ICOS: variants seen among roughly 807,000 people sequenced by gnomAD.
ICOS encodes inducible T-cell costimulator.
Under a neutral mutation model 24.6 loss-of-function variants are expected in ICOS, and 15 were observed. The observed-to-expected ratio is 0.61, with a 90% confidence interval of 0.41 to 0.94. The LOEUF is 0.94. ICOS is among the 40% of genes least tolerant of loss of function. The pLI is 0.00. For missense variants in ICOS, 200 were observed against 233.0 expected (o/e 0.86, Z 0.92); for synonymous variants, 89 against 77.5 (o/e 1.15, Z -0.78).
intron 1 of ICOS, among the ~76,000 whole-genome samples, chr2:203,952,824 G>A (rs751924419): frequency 6.6e-6 from 1 of 151,972 alleles, no homozygotes; most frequent in African/African-American, 2.4e-5. Flanking sequence ...GATAATTCAG[G>A]TATATAAATC....
intron 1 of ICOS, among the ~76,000 whole-genome samples, chr2:203,938,814 C>G (rs986018372): frequency 6.6e-6 from 1 of 152,088 alleles, no homozygotes; most frequent in Non-Finnish European, 1.5e-5. Flanking sequence ...TGAATACAAC[C>G]AATGTTCACT....
intron 1 of ICOS, among the ~76,000 whole-genome samples, chr2:203,952,656 A>G (rs73993051): frequency 0.021 from 3,142 of 152,184 alleles, 120 homozygotes; most frequent in African/African-American, 0.072. Flanking sequence ...AAACTTATCT[A>G]TTGAGTTTTA....
At chr2:203,952,216 GA>G (rs570336133) in intron 1 of ICOS, among the ~76,000 whole-genome samples, 4 of 152,206 alleles carry the variant, frequency 2.6e-5, no homozygotes, top group Non-Finnish European at 5.9e-5. Context: ...TGAATTTTGT[GA>G]TACTAATTCA....
chr2:203,956,699 A>G lies in ICOS; in HGVS notation c.435A>G (p.Ile145Met), dbSNP rs1365326471. ...GCCAGCTGAAGTTCTGGTTACCCATAGGATGTGCAGCCTTTGTTGTAGTCT... is the reference window on the plus strand; with the variant it reads ...GCCAGCTGAAGTTCTGGTTACCCATGGGATGTGCAGCCTTTGTTGTAGTCT... ...LCCQLKFWLP[I>M]GCAAFVVVCI... is the part of the protein sequence containing the mutation. Residue 145 changes from isoleucine to methionine, a missense_variant, in exon 3 of 5, where the codon ATA (isoleucine) becomes ATG (methionine). Ile to Met is a conservative substitution (Grantham distance 10, BLOSUM62 1). Coordinates refer to ENST00000316386, the MANE Select transcript of ICOS (RefSeq NM_012092.4). The G allele has an allele frequency of 4.3e-6, 7 of 1,613,556 alleles. No individual in the cohort carries two copies. Among genetic ancestry groups the G allele is most frequent in the Non-Finnish European group, 5.9e-6 (7 of 1,179,534 alleles).
chr2:203,944,581 T>C (rs1689837068), intron 1 of ICOS, among the ~76,000 whole-genome samples: 1 of 152,204 alleles, frequency 6.6e-6, no homozygotes, highest in African/African-American at 2.4e-5. Flanking sequence ...TTACCAAACA[T>C]GCTTAGCCTT....
At chr2:203,950,525 A>G (rs1448455722) in intron 1 of ICOS, among the ~76,000 whole-genome samples, 2 of 152,198 alleles carry the variant, frequency 1.3e-5, no homozygotes, top group African/African-American at 4.8e-5. Flanking sequence ...TCAGAGGGGG[A>G]CAAACATTCA....
intron 1 of ICOS, among the ~76,000 whole-genome samples, chr2:203,943,762 G>A (rs1340745965): frequency 6.6e-6 from 1 of 152,094 alleles, no homozygotes; most frequent in East Asian, 1.9e-4. Flanking sequence ...GGTGGGTAGG[G>A]AAGGGCAGGG....
rs1048198057 is a variant in ICOS, at chr2:203,955,806, A to G, written c.229A>G (p.Ile77Val). ...AAAAGGAAGTGGAAACACAGTGTCC[A>G]TTAAGAGTCTGAAATTCTGCCATTC... ...KTKGSGNTVS[I>V]KSLKFCHSQL... Residue 77 changes from isoleucine (I) to valine (V), a missense_variant, in exon 2 of 5, where the codon ATT becomes GTT. Transcript: ENST00000316386. 68 of 1,613,800 alleles carry G rather than the reference A, an allele frequency of 4.2e-5. No individual in the cohort carries two copies. Among genetic ancestry groups the G allele is most frequent in the Non-Finnish European group, 5.4e-5 (64 of 1,179,874 alleles).
chr2:203,949,560 C>A (rs1173925611), intron 1 of ICOS, among the ~76,000 whole-genome samples: 1 of 152,008 alleles, frequency 6.6e-6, no homozygotes, highest in Non-Finnish European at 1.5e-5. Flanking sequence ...TTATAGGATG[C>A]CTGAAACATG....
intron 4 of ICOS, among the ~76,000 whole-genome samples, chr2:203,958,252 A>C (rs987039953): frequency 6.6e-6 from 1 of 152,160 alleles, no homozygotes; most frequent in Non-Finnish European, 1.5e-5. Flanking sequence ...GTTAAGTGTG[A>C]GTTACTGAGT....
intron 1 of ICOS, among the ~76,000 whole-genome samples, chr2:203,945,759 A>G (rs1443088550): frequency 6.6e-6 from 1 of 152,238 alleles, no homozygotes; most frequent in Non-Finnish European, 1.5e-5. Flanking sequence ...ATCGTTGACC[A>G]ACATGTCATT....
At chr2:203,957,025 A>T (rs1178924271) in intron 3 of ICOS, among the ~76,000 whole-genome samples, 1 of 152,180 alleles carries the variant, frequency 6.6e-6, no homozygotes, top group African/African-American at 2.4e-5. Flanking sequence ...TGTTCAAACT[A>T]GATGAGGAAA....
At chr2:203,951,010 A>G (rs1386707912) in intron 1 of ICOS, among the ~76,000 whole-genome samples, 4 of 151,960 alleles carry the variant, frequency 2.6e-5, no homozygotes, top group Middle Eastern at 6.8e-3. Flanking sequence ...CAGTGAGCTG[A>G]GATTGCACCA....
At chr2:203,957,984 C>T in intron 4 of ICOS, 101 bp downstream of exon 4, 1 of 700,336 alleles carries the variant, frequency 1.4e-6, no homozygotes, top group South Asian at 1.7e-5. Flanking sequence ...AGGAAAACAT[C>T]TCCAAGGCCT....
At chr2:203,952,518 CT>C (rs1388246620) in intron 1 of ICOS, among the ~76,000 whole-genome samples, 1 of 152,152 alleles carries the variant, frequency 6.6e-6, no homozygotes, top group Non-Finnish European at 1.5e-5. Flanking sequence ...GGTGTGCATA[CT>C]TTTAAAAAAT....
At chr2:203,950,089 T>G (rs534899093) in intron 1 of ICOS, among the ~76,000 whole-genome samples, 5 of 152,388 alleles carry the variant, frequency 3.3e-5, no homozygotes, top group African/African-American at 1.2e-4. Flanking sequence ...GAGCATTGTC[T>G]TAGTCCATTT....
Position 203,959,823 on chromosome 2 carries a change from C to T in ICOS, c.*224C>T. ...CTCAAAACAAACACCCTCTTGCAAC[C>T]AGCTTTGGAGAAAGCCCAGCTCCTG... On this transcript the variant is annotated 3_prime_UTR_variant, in exon 5 of 5. Transcript: ENST00000316386. The T allele has an allele frequency of 1.6e-6, 1 of 614,106 alleles. No homozygotes were observed. The allele number at this position is 614,106 out of a possible 1,614,324, so 38.0% of individuals were successfully genotyped here.
chr2:203,959,008 G>A (rs113640478), intron 4 of ICOS, among the ~76,000 whole-genome samples: 66 of 152,192 alleles, frequency 4.3e-4, no homozygotes, highest in African/African-American at 1.5e-3. Flanking sequence ...AATGAAGGGC[G>A]CATTATTATC....
chr2:203,944,464 C>T (rs770620009), intron 1 of ICOS, among the ~76,000 whole-genome samples: 7 of 152,196 alleles, frequency 4.6e-5, no homozygotes, highest in African/African-American at 7.2e-5. Context: ...CTCCCTTTCC[C>T]GTGAGTCTTT....
Sources: allele counts gnomAD v4.1 joint callset (sites outside exome capture counted in the v4.1 genomes callset), GRCh38; gene constraint gnomAD v4.1.1; transcripts MANE v1.5; gene names NCBI Gene and HGNC (gene_info 2026-07-23, HGNC 2026-07-21).